SRPRA: variants seen among roughly 807,000 people sequenced by gnomAD.
SRPRA encodes signal recognition particle receptor subunit alpha.
SRPRA carries 30 observed loss-of-function variants against 61.1 expected under a neutral mutation model. The observed-to-expected ratio is 0.49, with a 90% CI of 0.37 to 0.67. The LOEUF (loss-of-function observed/expected upper bound fraction) is 0.67, where lower values mean the gene tolerates loss of function less well. SRPRA is among the 30% of genes least tolerant of loss of function. The probability of loss-of-function intolerance (pLI) is 0.00; values close to 1 mark genes in which losing one functional copy is unlikely to be tolerated. For synonymous variants in SRPRA, 324 were observed against 299.7 expected, an observed-to-expected ratio of 1.08 and a Z score of -0.84; for missense variants, 759 against 828.4, an observed-to-expected ratio of 0.92 and a Z score of 1.03.
downstream of SRPRA, among the ~76,000 whole-genome samples, chr11:126,259,657 C>T (rs1950644207): frequency 6.6e-6 from 1 of 151,242 alleles, no homozygotes; most frequent in Non-Finnish European, 1.5e-5. Flanking sequence ...GGTCTCCTGA[C>T]CTCATGATCC....
chr11:126,262,356 A>C (rs931040658), downstream of SRPRA: 5 of 573,164 alleles, frequency 8.7e-6, no homozygotes, highest in East Asian at 2.9e-5. Context: ...TAAAAGCGAC[A>C]GCAGGACCCA....
At chr11:126,240,987 C>T in the SRPRA span, 2 of 1,613,906 alleles carry the variant, frequency 1.2e-6, no homozygotes, top group East Asian at 2.2e-5. Context: ...AGAAATGTCT[C>T]CATGAAGACA....
chr11:126,267,506 A>C lies in SRPRA; in HGVS notation c.365+43T>G, dbSNP rs767438963. 3 of 1,611,514 alleles carry C rather than the reference A, an allele frequency of 1.9e-6. No homozygotes were observed. In the Admixed American group the frequency reaches 5.0e-5, roughly 27 times the overall value. ...TGAACCACCTTCAGAGAGGTCATCAAATCATGGAAATAAATTGATTTTAGA... is the reference window on the plus strand; with the variant it reads ...TGAACCACCTTCAGAGAGGTCATCACATCATGGAAATAAATTGATTTTAGA... On this transcript the variant is annotated intron_variant, in intron 3 of 13. Coordinates refer to ENST00000332118, the MANE Select transcript of SRPRA (RefSeq NM_003139.4). This position sits in a 1 kb window ranked among gnomAD's most constrained non-coding sequence, Gnocchi z 4.2.
chr11:126,250,461 C>A, the SRPRA span: 2 of 1,389,362 alleles, frequency 1.4e-6, no homozygotes, highest in Non-Finnish European at 2.0e-6. The surrounding 1 kb of genome is among the most constrained non-coding windows in gnomAD (Gnocchi z 5.1). Flanking sequence ...AACTGACCTA[C>A]CAAAGCACTT....
chr11:126,249,783 A>G, the SRPRA span, among the ~76,000 whole-genome samples: 79 of 151,814 alleles, frequency 5.2e-4, no homozygotes, highest in African/African-American at 1.8e-3. Flanking sequence ...CCAAACCACA[A>G]TTAGGGCTGT....
At position 126,267,596 on chromosome 11, in the gene SRPRA, T is replaced by C. The variant is rs773218621; in HGVS notation, c.318A>G (p.Leu106=). 8 of 1,614,090 alleles carry C rather than the reference T, an allele frequency of 5.0e-6. No homozygotes were observed. In the South Asian group the frequency reaches 8.8e-5, roughly 18 times the overall value. The change falls in exon 3 of 14, where the codon TTA becomes TTG. Residue 106 remains leucine (L), a synonymous_variant. Transcript: ENST00000332118. This position sits in a 1 kb window ranked among gnomAD's most constrained non-coding sequence, Gnocchi z 4.2. The stretch of plus-strand genomic sequence containing the variant: ...TTTGGAAATCAAAAGTGCCATTTAA[T>C]AAACTTAAAGCACTTTGCTGTTGGA... ...TEIQQQSALS[L]LNGTFDFQND...
At chr11:126,258,801 C>T (rs578107116), downstream of SRPRA, among the ~76,000 whole-genome samples, 13 of 152,246 alleles carry the variant, frequency 8.5e-5, no homozygotes, top group African/African-American at 2.2e-4. Context: ...CAGCAAAATC[C>T]GTCTGCATAA....
At chr11:126,268,610 C>T (rs1950874577) in intron 1 of SRPRA, 78 bp downstream of exon 1, 5 of 1,235,174 alleles carry the variant, frequency 4.0e-6, no homozygotes, top group South Asian at 2.5e-5. Context: ...TGGGAGGAGG[C>T]GCGGAATAGA....
the SRPRA span, among the ~76,000 whole-genome samples, chr11:126,248,670 CA>C: frequency 6.6e-6 from 1 of 152,046 alleles, no homozygotes; most frequent in East Asian, 1.9e-4. Flanking sequence ...ACGCCCGGCC[CA>C]GACTCGCTTT....
the SRPRA span, among the ~76,000 whole-genome samples, chr11:126,254,795 C>A: frequency 6.6e-6 from 1 of 152,146 alleles, no homozygotes; most frequent in Non-Finnish European, 1.5e-5. Context: ...CCACTGCACT[C>A]CAGCTTGGGT....
chr11:126,239,123 G>A, the SRPRA span, among the ~76,000 whole-genome samples: 1 of 151,922 alleles, frequency 6.6e-6, no homozygotes, highest in Non-Finnish European at 1.5e-5. Flanking sequence ...CTACAGACGT[G>A]CCTAATTTTC....
chr11:126,254,284 G>T, the SRPRA span: 2 of 1,612,110 alleles, frequency 1.2e-6, no homozygotes, highest in Non-Finnish European at 1.7e-6. Flanking sequence ...AAGCTGGTTG[G>T]GCTATATGTG....
Position 126,265,796 on chromosome 11 carries a change from A to G in SRPRA, c.1079T>C (p.Val360Ala), listed in dbSNP as rs773810333. The change falls in exon 9 of 14, where the codon GTC (valine) becomes GCC (alanine). Residue 360 changes from valine to alanine, a missense_variant. This residue lies in a region of SRPRA where 475 missense variants were observed against 462.5 expected (regional missense o/e 1.03). Coordinates refer to ENST00000332118, the MANE Select transcript of SRPRA (RefSeq NM_003139.4). The surrounding 1 kb of genome is among the most constrained non-coding windows in gnomAD (Gnocchi z 6.3). ...GTTGGCAACAGATTCACAGAGCTGG[A>G]CGGCAATGTCTGCAGCCACGTTCTT... ...IAKNVAADIA[V>A]QLCESVANKL... The G allele has an allele frequency of 1.1e-5, 17 of 1,614,220 alleles. No individual in the cohort carries two copies. The South Asian group carries it at 1.3e-4, about 13-fold the overall frequency.
the SRPRA span, chr11:126,256,762 A>C: frequency 9.9e-6 from 16 of 1,614,000 alleles, no homozygotes; most frequent in African/African-American, 1.3e-5. This position sits in a 1 kb window ranked among gnomAD's most constrained non-coding sequence, Gnocchi z 6.6. Context: ...GGACAAGGGG[A>C]TTAAAGTCAT....
Position 126,268,215 on chromosome 11 carries a change from G to A in SRPRA, c.118-129C>T, listed in dbSNP as rs557513073. On this transcript the variant is annotated intron_variant, in intron 1 of 13. Coordinates refer to ENST00000332118, the MANE Select transcript of SRPRA (RefSeq NM_003139.4). ...ACTCAAATCTGTCCCCAGGACAAGA[G>A]GATGTTGGGGCACTTCTCTCTGGCA... 3.9e-5 allele frequency: 28 copies of A among 723,550 alleles called. No homozygotes were observed. The East Asian group carries it at 7.1e-4, about 18-fold the overall frequency. 44.8% of individuals were successfully genotyped at this position (723,550 alleles called of 1,614,324 possible). A position where few individuals can be genotyped will look rare whatever the true frequency, so the allele number is the denominator to read the frequency against.
At chr11:126,254,423 C>T in the SRPRA span, 14 of 1,614,174 alleles carry the variant, frequency 8.7e-6, no homozygotes, top group Non-Finnish European at 1.2e-5. Flanking sequence ...CTCAGGAACA[C>T]TGAAGTCATG....
chr11:126,255,572 T>C, the SRPRA span, among the ~76,000 whole-genome samples: 5 of 152,174 alleles, frequency 3.3e-5, no homozygotes, highest in African/African-American at 1.2e-4. This position sits in a 1 kb window ranked among gnomAD's most constrained non-coding sequence, Gnocchi z 4.6. Context: ...TCTTCTCTGG[T>C]GATTCACAGT....
Position 126,268,844 on chromosome 11 carries a change from T to G in SRPRA, c.-40A>C. ...AGGAGCTGGGGCCGGCGCCGGGAATTCAGGCCGCGTTCGCCGCCGCTTCCT... is the reference window on the plus strand; with the variant it reads ...AGGAGCTGGGGCCGGCGCCGGGAATGCAGGCCGCGTTCGCCGCCGCTTCCT... On this transcript the variant is annotated 5_prime_UTR_variant, in exon 1 of 14. Transcript: ENST00000332118. 6.5e-7 allele frequency: 1 copy of G among 1,550,214 alleles called. No individual in the cohort carries two copies. Among genetic ancestry groups the G allele is most frequent in the South Asian group, 1.1e-5 (1 of 89,684 alleles).
At chr11:126,244,663 G>A in the SRPRA span, among the ~76,000 whole-genome samples, 1 of 152,272 alleles carries the variant, frequency 6.6e-6, no homozygotes, top group Admixed American at 6.5e-5. The surrounding 1 kb of genome is among the most constrained non-coding windows in gnomAD (Gnocchi z 4.5). Context: ...AATTAGCTGA[G>A]CATGATGGCG....
Sources: allele counts gnomAD v4.1 joint callset (sites outside exome capture counted in the v4.1 genomes callset), GRCh38; gene constraint gnomAD v4.1.1; regional missense constraint gnomAD v4.1.1; non-coding constraint Gnocchi (gnomAD v3.1); transcripts MANE v1.5; gene names NCBI Gene and HGNC (gene_info 2026-07-23, HGNC 2026-07-21).